Variants in CACNA1I observed in about 807,000 individuals in gnomAD.
CACNA1I encodes voltage-dependent T-type calcium channel subunit alpha-1I.
Under a neutral mutation model 201.6 loss-of-function variants are expected in CACNA1I, and 74 were observed. The observed-to-expected ratio is 0.37, with a 90% CI of 0.30 to 0.45. CACNA1I has a LOEUF of 0.45. CACNA1I is among the 20% of genes least tolerant of loss of function. The pLI is 1.00. For missense variants in CACNA1I, 2,346 were observed against 3,138.1 expected (o/e 0.75, Z 6.03); for synonymous variants, 1,431 against 1,345.2 (o/e 1.06, Z -1.40).
chr22:39,678,209 C>A, intron 31 of CACNA1I, 101 bp downstream of exon 31: 1 of 1,360,460 alleles, frequency 7.4e-7, no homozygotes. Flanking sequence ...GGCCCCACCA[C>A]ACATGGGAGG....
chr22:39,632,496 G>A (rs1377386292), intron 4 of CACNA1I, among the ~76,000 whole-genome samples: 1 of 152,114 alleles, frequency 6.6e-6, no homozygotes, highest in Non-Finnish European at 1.5e-5. Context: ...AAATGTGCCC[G>A]GAGCGGCCCC....
In CACNA1I at chr22:39,685,619, G is replaced by T. The variant is rs973748034; in HGVS notation, c.6028-142G>T. 4 of 670,156 alleles carry T rather than the reference G, an allele frequency of 6.0e-6. No homozygotes were observed. Among genetic ancestry groups the T allele is most frequent in the African/African-American group, 3.9e-5 (2 of 51,648 alleles). The allele number at this position is 670,156 out of a possible 1,614,324, so 41.5% of individuals were successfully genotyped here. A position where few individuals can be genotyped will look rare whatever the true frequency, so the allele number is the denominator to read the frequency against. On this transcript the variant is annotated intron_variant, in intron 36 of 36. Coordinates refer to ENST00000402142, the MANE Select transcript of CACNA1I (RefSeq NM_021096.4). The surrounding 1 kb of genome is among the most constrained non-coding windows in gnomAD (Gnocchi z 5.0). ...TGCGGTGACGCCGCCTAAGCTGGACGTGCGGAGGGGAGAAGCCCTGCTCCG... is the reference window on the plus strand; with the variant it reads ...TGCGGTGACGCCGCCTAAGCTGGACTTGCGGAGGGGAGAAGCCCTGCTCCG...
chr22:39,622,509 G>A (rs1220303358), intron 4 of CACNA1I, among the ~76,000 whole-genome samples: 1 of 151,638 alleles, frequency 6.6e-6, no homozygotes, highest in Non-Finnish European at 1.5e-5. Flanking sequence ...ACAGGGCCTG[G>A]GCATGGACCA....
At position 39,600,574 on chromosome 22, in the gene CACNA1I, G is replaced by A. The variant is rs866406659; in HGVS notation, c.403G>A (p.Val135Met). Residue 135 changes from valine (V) to methionine (M), a missense_variant, in exon 3 of 37, where the codon GTG becomes ATG. Val to Met is a conservative substitution (Grantham distance 21, BLOSUM62 1). Coordinates refer to ENST00000402142, the MANE Select transcript of CACNA1I (RefSeq NM_021096.4). ...FFAMEMVLKM[V>M]ALGIFGKKCY... ...TGCCATGGAGATGGTGCTCAAGATG[G>A]TGGCCCTGGGGATTTTTGGCAAGAA... 6.2e-7 allele frequency: 1 copy of A among 1,612,064 alleles called. No homozygotes were observed. The highest frequency in any genetic ancestry group is 8.5e-7 in the Non-Finnish European group (1 of 1,179,146).
chr22:39,580,702 C>G (rs1932520660), intron 1 of CACNA1I, among the ~76,000 whole-genome samples: 1 of 152,034 alleles, frequency 6.6e-6, no homozygotes, highest in Non-Finnish European at 1.5e-5. Flanking sequence ...TACACTTGGT[C>G]TTGTGGGCCA....
At position 39,570,874 on chromosome 22, in the gene CACNA1I, C is replaced by A. The variant is rs781264945; in HGVS notation, c.122C>A (p.Pro41His). 1.1e-4 allele frequency: 181 copies of A among 1,613,642 alleles called. 1 individual carries two copies. The highest frequency in any genetic ancestry group is 5.5e-4 in the Admixed American group (33 of 60,006). ...PPSSPPGLEE[P>H]LDGADPHVPH... ...TCCTCCCCGCCAGGCCTGGAGGAGC[C>A]TCTGGATGGAGCTGATCCTCATGTC... is the stretch of plus-strand genomic sequence containing the variant. The change falls in exon 1 of 37, where the codon CCT (proline) becomes CAT (histidine). Residue 41 changes from proline to histidine, a missense_variant. Around this residue, in one of 13 missense-constraint regions of CACNA1I, gnomAD observed 130 missense variants for 160.7 expected, o/e 0.81. Transcript: ENST00000402142.
rs1935156389 is a variant in CACNA1I, at chr22:39,665,439, G to A, written c.3852-59G>A. On this transcript the variant is annotated intron_variant, in intron 21 of 36. Transcript: ENST00000402142. This position sits in a 1 kb window ranked among gnomAD's most constrained non-coding sequence, Gnocchi z 5.5. ...AGCCCTGGTGACTCTGGGCTGAGTA[G>A]GGGCTGCCTCCTGGCCTGGCCAAGG... The A allele has an allele frequency of 3.7e-6, 6 of 1,600,094 alleles. No homozygotes were observed. In the East Asian group the frequency reaches 6.7e-5, roughly 18 times the overall value.
At chr22:39,624,096 G>A (rs1792075210) in intron 4 of CACNA1I, among the ~76,000 whole-genome samples, 1 of 150,806 alleles carries the variant, frequency 6.6e-6, no homozygotes, top group South Asian at 2.1e-4. Flanking sequence ...CGTGTGTGAA[G>A]AGTGTGTATG....
intron 3 of CACNA1I, among the ~76,000 whole-genome samples, chr22:39,608,168 C>T (rs1317369216): frequency 2.0e-5 from 3 of 151,336 alleles, no homozygotes; most frequent in African/African-American, 4.9e-5. Context: ...ATTAGCCAGG[C>T]GCAGTGGCGC....
At chr22:39,658,355 C>G in intron 11 of CACNA1I, 52 bp downstream of exon 11, 1 of 1,545,938 alleles carries the variant, frequency 6.5e-7, no homozygotes, top group Non-Finnish European at 8.9e-7. Context: ...GGGACATTTA[C>G]TGCAAAGACC....
chr22:39,657,712 C>T, intron 10 of CACNA1I, among the ~76,000 whole-genome samples: 1 of 152,236 alleles, frequency 6.6e-6, no homozygotes, highest in East Asian at 1.9e-4. Context: ...CTGTAAAATG[C>T]ATAGAACGGT....
In CACNA1I at chr22:39,604,988, CA is replaced by C. The variant is rs527281277; in HGVS notation, c.482+4336del. Among the ~76,000 whole-genome samples, 1,049 of 152,072 alleles carry C rather than the reference CA, an allele frequency of 6.9e-3. 12 individuals carry two copies. Among genetic ancestry groups the C allele is most frequent in the African/African-American group, 0.024 (998 of 41,438 alleles). ...CAAGGTCGTTCCCATCCTTTGTGCC[CA>C]GGGGTGGCGTGGGTGGAGAGGACAG... On this transcript the variant is annotated intron_variant, in intron 3 of 36. Transcript: ENST00000402142.
intron 4 of CACNA1I, among the ~76,000 whole-genome samples, chr22:39,621,840 C>T (rs1933753259): frequency 6.6e-6 from 1 of 152,028 alleles, no homozygotes; most frequent in African/African-American, 2.4e-5. Context: ...CCCCCTTGGG[C>T]ACAGGGAGGG....
chr22:39,579,410 C>T (rs111500207), intron 1 of CACNA1I, among the ~76,000 whole-genome samples: 6,622 of 152,272 alleles, frequency 0.043, 206 homozygotes, highest in Non-Finnish European at 0.061. Context: ...TACCCTAGCC[C>T]GCTTATGGCT....
intron 1 of CACNA1I, among the ~76,000 whole-genome samples, chr22:39,576,661 C>T (rs918991018): frequency 3.3e-5 from 5 of 152,214 alleles, no homozygotes; most frequent in African/African-American, 7.2e-5. Flanking sequence ...AAGGGGAGGG[C>T]GCCAGCCTGC....
Position 39,623,246 on chromosome 22 carries a change from C to T in CACNA1I, c.580+3839C>T, listed in dbSNP as rs116174087. Among the ~76,000 whole-genome samples, 402 of 150,592 alleles carry T rather than the reference C, an allele frequency of 2.7e-3. 2 individuals are homozygous for T. Among genetic ancestry groups the T allele is most frequent in the African/African-American group, 8.7e-3 (357 of 40,858 alleles). On this transcript the variant is annotated intron_variant, in intron 4 of 36. Coordinates refer to ENST00000402142, the MANE Select transcript of CACNA1I (RefSeq NM_021096.4). Reference sequence around the variant, plus strand: ...GAACACGTGTGAGGACGTGTGTGCACGAGTGTGTGTGCAATGAAGGGTGTG... The same window carrying T: ...GAACACGTGTGAGGACGTGTGTGCATGAGTGTGTGTGCAATGAAGGGTGTG...
chr22:39,668,068 C>G (rs917105503), intron 23 of CACNA1I, among the ~76,000 whole-genome samples: 3 of 152,150 alleles, frequency 2.0e-5, no homozygotes, highest in Non-Finnish European at 4.4e-5. Context: ...GACCGTGGGT[C>G]CAGCACTTTT....
chr22:39,571,828 C>T (rs1259331216), intron 1 of CACNA1I, among the ~76,000 whole-genome samples: 1 of 152,254 alleles, frequency 6.6e-6, no homozygotes, highest in Non-Finnish European at 1.5e-5. Context: ...ATTTGCCTCC[C>T]CTGGGGTACT....
intron 3 of CACNA1I, among the ~76,000 whole-genome samples, chr22:39,608,441 A>G (rs886142169): frequency 1.3e-5 from 2 of 151,804 alleles, no homozygotes; most frequent in African/African-American, 4.8e-5. Flanking sequence ...TTTCTTTAAA[A>G]CATTTTTTAA....
Sources: gnomAD v4.1 joint callset for allele counts (sites outside exome capture counted in the v4.1 genomes callset) on GRCh38, gnomAD v4.1.1 for gene constraint, gnomAD v4.1.1 regional missense constraint, Gnocchi (gnomAD v3.1) non-coding constraint, MANE v1.5 for transcripts, NCBI Gene and HGNC (gene_info 2026-07-23, HGNC 2026-07-21) for gene names.